Variants in EPS15 observed in about 807,000 individuals in gnomAD.
EPS15 encodes epidermal growth factor receptor pathway substrate 15.
A neutral mutation model predicts 113.8 loss-of-function variants in EPS15; 72 were observed. The observed-to-expected ratio is 0.63, with a 90% confidence interval of 0.52 to 0.77. The LOEUF is 0.77. Among genes scored for constraint, EPS15 ranks in the 30% least tolerant of loss-of-function variants. EPS15 has a pLI of 0.00. For missense variants in EPS15, 1,048 were observed against 1,045.8 expected (o/e 1.00, Z -0.03); for synonymous variants, 344 against 363.4 (o/e 0.95, Z 0.61).
At chr1:51,369,644 T>C (rs935262267) in intron 21 of EPS15, among the ~76,000 whole-genome samples, 3 of 152,234 alleles carry the variant, frequency 2.0e-5, no homozygotes, top group Admixed American at 1.3e-4. Flanking sequence ...GGTATTTTTT[T>C]CTTACATATT....
chr1:51,453,779 T>C (rs1217132066), intron 8 of EPS15, among the ~76,000 whole-genome samples: 1 of 152,190 alleles, frequency 6.6e-6, no homozygotes, highest in African/African-American at 2.4e-5. Context: ...TTTTTCATTT[T>C]CCATGCTTTT....
chr1:51,431,245 G>T (rs979196781), intron 12 of EPS15, among the ~76,000 whole-genome samples: 1 of 152,006 alleles, frequency 6.6e-6, no homozygotes, highest in African/African-American at 2.4e-5. Context: ...TTCTTACTTA[G>T]TTCTGAGAGA....
chr1:51,486,097 C>G (rs554542430), intron 1 of EPS15, among the ~76,000 whole-genome samples: 1 of 151,914 alleles, frequency 6.6e-6, no homozygotes, highest in Admixed American at 6.6e-5. Context: ...CATGCGCAGT[C>G]GAGTCTTTCT....
chr1:51,408,797 A>ATTT (rs34612487), intron 14 of EPS15, among the ~76,000 whole-genome samples: 70 of 109,566 alleles, frequency 6.4e-4, no homozygotes, highest in South Asian at 8.9e-4. Context: ...CTGGCTTTCA[A>ATTT]TTTTTTTTTT....
intron 24 of EPS15, among the ~76,000 whole-genome samples, chr1:51,359,831 T>C (rs1040525016): frequency 6.6e-6 from 1 of 152,004 alleles, no homozygotes; most frequent in African/African-American, 2.4e-5. Flanking sequence ...TGCTCCTTCA[T>C]AGTCAAGAGA....
At chr1:51,367,199 T>C (rs527341422) in intron 21 of EPS15, among the ~76,000 whole-genome samples, 2 of 152,200 alleles carry the variant, frequency 1.3e-5, no homozygotes, top group African/African-American at 4.8e-5. Context: ...GTTTACCAAA[T>C]AGATAAACAC....
intron 21 of EPS15, among the ~76,000 whole-genome samples, chr1:51,391,562 G>C (rs1647367097): frequency 6.6e-6 from 1 of 152,110 alleles, no homozygotes; most frequent in Non-Finnish European, 1.5e-5. Context: ...CAGGAAGAGG[G>C]AACAGCTAGT....
rs149275469 is a variant in EPS15 at position 51,372,660 on chromosome 1, A to G, written c.2120-6631T>C. 7.3e-4 allele frequency: 315 copies of G among 428,966 alleles called. 1 individual carries two copies. Among genetic ancestry groups the G allele is most frequent in the African/African-American group, 5.8e-3 (286 of 49,208 alleles). The allele number at this position is 428,966 out of a possible 1,614,324, so 26.6% of individuals were successfully genotyped here. A position where few individuals can be genotyped will look rare whatever the true frequency, so the allele number is the denominator to read the frequency against. On this transcript the variant is annotated intron_variant, in intron 21 of 24. Transcript: ENST00000371733. ...GAAACTAAAGGATCTGGGGCTGCCC[A>G]CAGAAGCATATATTTCAGTGAGAGA...
chr1:51,372,007 C>T lies in EPS15; in HGVS notation c.2120-5978G>A, dbSNP rs145885630. ...AAGTTTGAAGCCTAGGAGCAATAGG[C>T]TATATGACGAATAGCCTAGGTTGTG... On this transcript the variant is annotated intron_variant, in intron 21 of 24. Transcript: ENST00000371733. Among the ~76,000 whole-genome samples, 1,197 of 152,278 alleles carry T rather than the reference C, an allele frequency of 7.9e-3. 13 individuals carry two copies. Among genetic ancestry groups the T allele is most frequent in the Non-Finnish European group, 8.3e-3 (565 of 68,024 alleles).
intron 12 of EPS15, 71 bp downstream of exon 12, chr1:51,440,276 A>T: frequency 2.2e-6 from 1 of 448,960 alleles, no homozygotes; most frequent in Non-Finnish European, 3.8e-6. Context: ...ATATACATGT[A>T]CTGTGTGTGT....
intron 13 of EPS15, among the ~76,000 whole-genome samples, chr1:51,411,917 T>C (rs1024758669): frequency 3.3e-5 from 5 of 152,232 alleles, no homozygotes; most frequent in African/African-American, 1.2e-4. Context: ...CGTATGTTTA[T>C]TGCAGCACTA....
chr1:51,414,309 A>G (rs1372229139), intron 13 of EPS15, among the ~76,000 whole-genome samples: 2 of 152,042 alleles, frequency 1.3e-5, no homozygotes, highest in African/African-American at 4.8e-5. Flanking sequence ...GCTACTAGGG[A>G]GACTGAGGCA....
intron 1 of EPS15, among the ~76,000 whole-genome samples, chr1:51,503,409 G>A (rs1020147803): frequency 1.3e-5 from 2 of 152,224 alleles, no homozygotes; most frequent in Non-Finnish European, 2.9e-5. Flanking sequence ...GCTGAGGCGG[G>A]TGGATTACCT....
chr1:51,437,683 A>G (rs1652268169), intron 12 of EPS15, among the ~76,000 whole-genome samples: 1 of 151,946 alleles, frequency 6.6e-6, no homozygotes. Flanking sequence ...ACGTTTCACC[A>G]TGTTGGGCAG....
At chr1:51,446,443 C>T (rs1332117254) in intron 10 of EPS15, among the ~76,000 whole-genome samples, 1 of 150,458 alleles carries the variant, frequency 6.6e-6, no homozygotes, top group African/African-American at 2.5e-5. Flanking sequence ...AATTAACTGA[C>T]ACTGTCATTC....
At chr1:51,449,807 A>G (rs920318363) in intron 8 of EPS15, among the ~76,000 whole-genome samples, 1 of 151,384 alleles carries the variant, frequency 6.6e-6, no homozygotes, top group Non-Finnish European at 1.5e-5. Context: ...TGAGGGTGCA[A>G]TCTTGGGGTA....
At chr1:51,383,657 C>G (rs965661023) in intron 21 of EPS15, among the ~76,000 whole-genome samples, 2 of 152,194 alleles carry the variant, frequency 1.3e-5, no homozygotes, top group Admixed American at 1.3e-4. Flanking sequence ...TCCTGTGCAG[C>G]CTGGTTCCTA....
intron 13 of EPS15, 41 bp downstream of exon 13, chr1:51,421,745 C>T: frequency 7.8e-7 from 1 of 1,289,010 alleles, no homozygotes; most frequent in Non-Finnish European, 1.1e-6. Context: ...AATGAATAGT[C>T]CTAAATCAGC....
chr1:51,488,490 A>AAAAAAAC (rs1557517828), intron 1 of EPS15, among the ~76,000 whole-genome samples: 1 of 150,258 alleles, frequency 6.7e-6, no homozygotes. Flanking sequence ...AAAAAAAAAA[A>AAAAAAAC]AAAAAACTCA....
Sources: gnomAD v4.1 joint callset for allele counts (sites outside exome capture counted in the v4.1 genomes callset) on GRCh38, gnomAD v4.1.1 for gene constraint, MANE v1.5 for transcripts, NCBI Gene and HGNC (gene_info 2026-07-23, HGNC 2026-07-21) for gene names.